The following LRRC14 variants were observed in gnomAD, a reference collection of about 807,000 sequenced individuals.
LRRC14 encodes the protein leucine-rich repeat-containing protein 14.
A neutral mutation model predicts 25.3 loss-of-function variants in LRRC14; 16 were observed. The ratio of observed to expected loss-of-function variants is 0.63; its 90% CI spans 0.43 to 0.96. The LOEUF (loss-of-function observed/expected upper bound fraction) is 0.96. Among genes scored for constraint, LRRC14 ranks in the 40% least tolerant of loss-of-function variants. The pLI is 0.00. For missense variants in LRRC14, 594 were observed against 660.5 expected, an observed-to-expected ratio of 0.90 and a Z score of 1.10; for synonymous variants, 359 against 295.1, an observed-to-expected ratio of 1.22 and a Z score of -2.22.
chr8:144,519,207 C>A, intron 1 of LRRC14: 1 of 174,732 alleles, frequency 5.7e-6, no homozygotes, highest in Non-Finnish European at 1.3e-5. Flanking sequence ...AAGTGTAGCC[C>A]TGGAGAGCAT....
At position 144,524,745 on chromosome 8, in the gene LRRC14, C is replaced by G. The variant is rs750093413; in HGVS notation, c.*3267C>G. ...CTGCAGGCCGGGGAAAGAGGAGGCG[C>G]TTACCCCGTTGCGGGGGTCTTCCTC... On this transcript the variant is annotated 3_prime_UTR_variant, in exon 4 of 4. Transcript: ENST00000292524. The G allele has an allele frequency of 1.4e-6, 2 of 1,440,620 alleles. No individual in the cohort carries two copies. Among genetic ancestry groups the G allele is most frequent in the Non-Finnish European group, 1.8e-6 (2 of 1,102,980 alleles). 89.2% of individuals were successfully genotyped at this position (1,440,620 alleles called of 1,614,324 possible). A position where few individuals can be genotyped will look rare whatever the true frequency, so the allele number is the denominator to read the frequency against.
chr8:144,520,221 A>G lies in LRRC14; in HGVS notation c.330-17A>G. 1 of 1,602,230 alleles carries G rather than the reference A, an allele frequency of 6.2e-7. No individual in the cohort carries two copies. The highest frequency in any genetic ancestry group is 2.2e-5 in the East Asian group (1 of 44,886). On this transcript the variant is annotated splice_polypyrimidine_tract_variant and intron_variant, in intron 2 of 3. Coordinates refer to ENST00000292524, the MANE Select transcript of LRRC14 (RefSeq NM_014665.4). Reference sequence around the variant, plus strand: ...CGCTGCCCCTCCACCCCTTCCTCACACCATTCCTACTCCCAGGAAGCATGC... The same window carrying G: ...CGCTGCCCCTCCACCCCTTCCTCACGCCATTCCTACTCCCAGGAAGCATGC...
chr8:144,522,471 G>A lies in LRRC14; in HGVS notation c.*993G>A. The A allele has an allele frequency of 7.0e-7, 1 of 1,424,880 alleles. No individual in the cohort carries two copies. Among genetic ancestry groups the A allele is most frequent in the Non-Finnish European group, 9.1e-7 (1 of 1,096,708 alleles). The allele number at this position is 1,424,880 out of a possible 1,614,324, so 88.3% of individuals were successfully genotyped here. A position where few individuals can be genotyped will look rare whatever the true frequency, so the allele number is the denominator to read the frequency against. ...GCGCCCACGTCATCCGCGCGCCCGC[G>A]GCCCTAGCAGTGGATCTCGTAGGCG... On this transcript the variant is annotated 3_prime_UTR_variant, in exon 4 of 4. Coordinates refer to ENST00000292524, the MANE Select transcript of LRRC14 (RefSeq NM_014665.4).
chr8:144,521,193 C>T lies in LRRC14; in HGVS notation c.1197C>T (p.Gly399=), dbSNP rs769981730. The change falls in exon 4 of 4, where the codon GGC becomes GGT. Residue 399 remains glycine, a synonymous_variant. Transcript: ENST00000292524. ...LTQCASLRYL[G]LYGNPLSMAG... ...AGTGCGCCAGTCTCCGGTACCTTGGCCTCTATGGCAACCCACTGTCCATGG... is the reference window on the plus strand; with the variant it reads ...AGTGCGCCAGTCTCCGGTACCTTGGTCTCTATGGCAACCCACTGTCCATGG... The T allele has an allele frequency of 1.8e-5, 29 of 1,613,152 alleles. No individual in the cohort carries two copies. The highest frequency in any genetic ancestry group is 2.0e-5 in the Non-Finnish European group (24 of 1,180,034).
Position 144,522,369 on chromosome 8 carries a change from C to G in LRRC14, c.*891C>G. 7.5e-7 allele frequency: 1 copy of G among 1,334,458 alleles called. No homozygotes were observed. Among genetic ancestry groups the G allele is most frequent in the Non-Finnish European group, 9.6e-7 (1 of 1,046,828 alleles). 82.7% of individuals were successfully genotyped at this position (1,334,458 alleles called of 1,614,324 possible). A position where few individuals can be genotyped will look rare whatever the true frequency, so the allele number is the denominator to read the frequency against. On this transcript the variant is annotated 3_prime_UTR_variant, in exon 4 of 4. Transcript: ENST00000292524. ...TGCAACGTTCCCGGCTCGCGCCCCA[C>G]ACACGGCTCAGCGCACACTGCGCGG...
At position 144,520,033 on chromosome 8, in the gene LRRC14, C is replaced by A; in HGVS notation, c.308C>A (p.Ala103Asp). 1 of 1,607,118 alleles carries A rather than the reference C, an allele frequency of 6.2e-7. No homozygotes were observed. The highest frequency in any genetic ancestry group is 8.5e-7 in the Non-Finnish European group (1 of 1,178,418). ...TARLHTSEPGASTQPLCRKHA... is the reference protein window; with the variant it reads ...TARLHTSEPGDSTQPLCRKHA... ...CGGCTCCACACCTCAGAGCCTGGGG[C>A]CAGCACACAGCCCCTCTGCAGGTAT... The change falls in exon 2 of 4, where the codon GCC (alanine) becomes GAC (aspartate). Residue 103 changes from alanine to aspartate, a missense_variant. Transcript: ENST00000292524.
chr8:144,523,805 T>G lies in LRRC14; in HGVS notation c.*2327T>G, dbSNP rs961690256. 2 of 460,564 alleles carry G rather than the reference T, an allele frequency of 4.3e-6. No individual in the cohort carries two copies. The highest frequency in any genetic ancestry group is 4.0e-5 in the African/African-American group (2 of 50,432). 28.5% of individuals were successfully genotyped at this position (460,564 alleles called of 1,614,324 possible). A position where few individuals can be genotyped will look rare whatever the true frequency, so the allele number is the denominator to read the frequency against. On this transcript the variant is annotated 3_prime_UTR_variant, in exon 4 of 4. Transcript: ENST00000292524. ...TGCCCTCTCTTGGGAATGTCCCCAGTCCTGGTCAGCTGTCTCTCTCCTTTG... is the reference window on the plus strand; with the variant it reads ...TGCCCTCTCTTGGGAATGTCCCCAGGCCTGGTCAGCTGTCTCTCTCCTTTG...
chr8:144,520,500 C>A lies in LRRC14; in HGVS notation c.592C>A (p.Arg198=), dbSNP rs1334631331. ...GGGCAGCCCGCTGCGGCTCTGCTGC[C>A]GGGACCTGCGAGCTGAGGACCTGCC... The part of the protein sequence containing the change: ...SVGSPLRLCC[R]DLRAEDLPMR... The change falls in exon 3 of 4, where the codon CGG becomes AGG. Residue 198 remains arginine, a synonymous_variant. Transcript: ENST00000292524. 1.3e-6 allele frequency: 2 copies of A among 1,598,754 alleles called. No individual in the cohort carries two copies. The highest frequency in any genetic ancestry group is 3.3e-4 in the Middle Eastern group (2 of 6,058).
chr8:144,524,011 C>CT lies in LRRC14; in HGVS notation c.*2534dup. On this transcript the variant is annotated 3_prime_UTR_variant, in exon 4 of 4. Coordinates refer to ENST00000292524, the MANE Select transcript of LRRC14 (RefSeq NM_014665.4). Reference sequence around the variant, plus strand: ...GGCGGTGGTGCAGCCTTCCAGACTGCTGCCCAGTTGCCTGATGTCAGAGCC... The same window carrying CT: ...GGCGGTGGTGCAGCCTTCCAGACTGCTTGCCCAGTTGCCTGATGTCAGAGCC... 7 of 1,397,330 alleles carry CT rather than the reference C, an allele frequency of 5.0e-6. No homozygotes were observed. The highest frequency in any genetic ancestry group is 6.8e-6 in the Non-Finnish European group (7 of 1,023,494). 86.6% of individuals were successfully genotyped at this position (1,397,330 alleles called of 1,614,324 possible).
rs772111598 is a variant in LRRC14, at chr8:144,521,041, T to A, written c.1045T>A (p.Ser349Thr). The change falls in exon 4 of 4, where the codon TCT becomes ACT. Residue 349 changes from serine (S) to threonine (T), a missense_variant. By Grantham distance (58) the Ser-to-Thr change is moderately conservative (BLOSUM62 1). Transcript: ENST00000292524. ...GTTGGACCTGAGTGGTAACGACCTG[T>A]CTGGCAGCCAGCTGGCACCCTTCCA... ...KKLDLSGNDL[S>T]GSQLAPFQGL... The A allele has an allele frequency of 6.2e-7, 1 of 1,613,050 alleles. No homozygotes were observed. The highest frequency in any genetic ancestry group is 1.1e-5 in the South Asian group (1 of 91,090).
Position 144,523,282 on chromosome 8 carries a change from C to A in LRRC14, c.*1804C>A. On this transcript the variant is annotated 3_prime_UTR_variant, in exon 4 of 4. Transcript: ENST00000292524. ...TGCTGTGGGATACGTCCAGGAGACT[C>A]TGGAGCGCCAGGCGCGGGGGCTCTG... 1 of 1,611,016 alleles carries A rather than the reference C, an allele frequency of 6.2e-7. No individual in the cohort carries two copies. Among genetic ancestry groups the A allele is most frequent in the Non-Finnish European group, 8.5e-7 (1 of 1,179,206 alleles).
Position 144,522,979 on chromosome 8 carries a change from C to T in LRRC14, c.*1501C>T, listed in dbSNP as rs1224048880. 7.5e-6 allele frequency: 12 copies of T among 1,591,806 alleles called. 1 individual carries two copies. The Admixed American group carries it at 1.4e-4, about 18-fold the overall frequency. ...GGGCAGCGCCGCCGGCGTTGGAGGC[C>T]TCGCACTCGTACTTACCGGCGTGCG... On this transcript the variant is annotated 3_prime_UTR_variant, in exon 4 of 4. Coordinates refer to ENST00000292524, the MANE Select transcript of LRRC14 (RefSeq NM_014665.4).
At position 144,522,653 on chromosome 8, in the gene LRRC14, G is replaced by A. The variant is rs1198254631; in HGVS notation, c.*1175G>A. The A allele has an allele frequency of 1.9e-6, 3 of 1,590,364 alleles. No homozygotes were observed. The highest frequency in any genetic ancestry group is 2.6e-6 in the Non-Finnish European group (3 of 1,170,146). ...GCGGAGCTCCTCTAGCTGTGCGAAC[G>A]TACAGGGGCCGTCCAAGTAGTCGTT... On this transcript the variant is annotated 3_prime_UTR_variant, in exon 4 of 4. Transcript: ENST00000292524.
rs1329648985 is a variant in LRRC14, at chr8:144,524,581, G to C, written c.*3103G>C. 6.5e-7 allele frequency: 1 copy of C among 1,544,578 alleles called. No homozygotes were observed. Among genetic ancestry groups the C allele is most frequent in the Non-Finnish European group, 8.7e-7 (1 of 1,154,884 alleles). On this transcript the variant is annotated 3_prime_UTR_variant, in exon 4 of 4. Coordinates refer to ENST00000292524, the MANE Select transcript of LRRC14 (RefSeq NM_014665.4). ...TTGCTAGTGAGCGCCAGCTCCAGCA[G>C]GCGCGGCTGCGCGCGGAAGGCGCCG...
chr8:144,523,256 CT>C lies in LRRC14; in HGVS notation c.*1779del. On this transcript the variant is annotated 3_prime_UTR_variant, in exon 4 of 4. Transcript: ENST00000292524. ...GACAGAGGGCGGAATGCAGATGAGG[CT>C]GCTGTGGGATACGTCCAGGAGACTC... The C allele has an allele frequency of 6.2e-7, 1 of 1,610,652 alleles. No homozygotes were observed. The highest frequency in any genetic ancestry group is 8.5e-7 in the Non-Finnish European group (1 of 1,179,042).
Position 144,522,472 on chromosome 8 carries a change from G to A in LRRC14, c.*994G>A. The A allele has an allele frequency of 2.0e-6, 3 of 1,465,146 alleles. No homozygotes were observed. The highest frequency in any genetic ancestry group is 2.7e-6 in the Non-Finnish European group (3 of 1,117,430). 90.8% of individuals were successfully genotyped at this position (1,465,146 alleles called of 1,614,324 possible). ...CGCCCACGTCATCCGCGCGCCCGCG[G>A]CCCTAGCAGTGGATCTCGTAGGCGA... On this transcript the variant is annotated 3_prime_UTR_variant, in exon 4 of 4. Transcript: ENST00000292524.
rs1007023696 is a variant in LRRC14, at chr8:144,521,606, C to G, written c.*128C>G. 1.1e-6 allele frequency: 1 copy of G among 951,076 alleles called. No homozygotes were observed. The highest frequency in any genetic ancestry group is 2.6e-5 in the East Asian group (1 of 37,762). 58.9% of individuals were successfully genotyped at this position (951,076 alleles called of 1,614,324 possible). A position where few individuals can be genotyped will look rare whatever the true frequency, so the allele number is the denominator to read the frequency against. On this transcript the variant is annotated 3_prime_UTR_variant, in exon 4 of 4. Coordinates refer to ENST00000292524, the MANE Select transcript of LRRC14 (RefSeq NM_014665.4). ...CTGGTTTCCTGCTGGGTCTACCTTGCTTCTGGGCACACCTCAAGCCTCCCC... is the reference window on the plus strand; with the variant it reads ...CTGGTTTCCTGCTGGGTCTACCTTGGTTCTGGGCACACCTCAAGCCTCCCC...
At position 144,520,572 on chromosome 8, in the gene LRRC14, C is replaced by T. The variant is rs1210258617; in HGVS notation, c.664C>T (p.Leu222=). 8 of 1,600,172 alleles carry T rather than the reference C, an allele frequency of 5.0e-6. No homozygotes were observed. In the East Asian group the frequency reaches 1.3e-4, roughly 27 times the overall value. ...GCTGCAGCTTCTGGATGCAGGCTGCCTGCGCCGCGTGGACCTGCGCTTCAA... is the reference window on the plus strand; with the variant it reads ...GCTGCAGCTTCTGGATGCAGGCTGCTTGCGCCGCGTGGACCTGCGCTTCAA... ...ALLQLLDAGC[L]RRVDLRFNNL... The change falls in exon 3 of 4, where the codon CTG becomes TTG. Residue 222 remains leucine, a synonymous_variant. Coordinates refer to ENST00000292524, the MANE Select transcript of LRRC14 (RefSeq NM_014665.4).
In LRRC14 at chr8:144,524,552, C is replaced by T. The variant is rs1422584360; in HGVS notation, c.*3074C>T. On this transcript the variant is annotated 3_prime_UTR_variant, in exon 4 of 4. Coordinates refer to ENST00000292524, the MANE Select transcript of LRRC14 (RefSeq NM_014665.4). ...AGGCGCCGCTGCGCAAGCCGCGCAG[C>T]CGGTTGCTAGTGAGCGCCAGCTCCA... 2 of 1,578,360 alleles carry T rather than the reference C, an allele frequency of 1.3e-6. No homozygotes were observed. The highest frequency in any genetic ancestry group is 2.2e-5 in the South Asian group (2 of 89,058).
Sources: allele counts gnomAD v4.1 joint callset, GRCh38; gene constraint gnomAD v4.1.1; transcripts MANE v1.5; gene names NCBI Gene and HGNC (gene_info 2026-07-23, HGNC 2026-07-21).